The following DIAPH2 variants were observed in gnomAD, a reference collection of about 807,000 sequenced individuals.
DIAPH2 encodes the protein protein diaphanous homolog 2.
A neutral mutation model predicts 92.7 loss-of-function variants in DIAPH2; 35 were observed. That is an observed-to-expected ratio of 0.38 (90% CI 0.29 to 0.50). The LOEUF (loss-of-function observed/expected upper bound fraction) is 0.50, where lower values mean the gene tolerates loss of function less well. Ranked by LOEUF, DIAPH2 falls within the 20% of genes least tolerant of loss-of-function variation. The probability of loss-of-function intolerance (pLI) is 0.94; values close to 1 mark genes in which losing one functional copy is unlikely to be tolerated. For missense variants in DIAPH2, 701 were observed against 819.5 expected (o/e 0.86, Z 1.77); for synonymous variants, 301 against 280.4 (o/e 1.07, Z -0.73).
intron 20 of DIAPH2, among the ~76,000 whole-genome samples, chrX:97,107,055 A>G (rs1255834427): frequency 3.6e-5 from 4 of 112,571 alleles, no homozygotes; most frequent in South Asian, 7.4e-4. Context: ...TGGGACACAC[A>G]ATGTTATTGT....
chrX:97,336,237 T>A (rs907289069), intron 23 of DIAPH2, among the ~76,000 whole-genome samples: 1 of 106,664 alleles, frequency 9.4e-6, no homozygotes, highest in African/African-American at 3.5e-5. Flanking sequence ...ACTTTTCTTT[T>A]CTTTTCTTTT....
chrX:97,280,213 G>A (rs183052177), intron 23 of DIAPH2, among the ~76,000 whole-genome samples: 22 of 110,811 alleles, frequency 2.0e-4, no homozygotes, highest in Admixed American at 1.5e-3. Flanking sequence ...GGTGGCTCAC[G>A]CCTGTAATCC....
intron 5 of DIAPH2, among the ~76,000 whole-genome samples, chrX:96,904,902 T>A (rs1384406916): frequency 8.9e-6 from 1 of 111,917 alleles, no homozygotes; most frequent in African/African-American, 3.2e-5. Flanking sequence ...CATGTTATAA[T>A]TTTACCAAAT....
intron 5 of DIAPH2, among the ~76,000 whole-genome samples, chrX:96,901,909 G>A (rs919656292): frequency 5.4e-5 from 6 of 111,345 alleles, no homozygotes; most frequent in African/African-American, 1.6e-4. Flanking sequence ...CAGACTTTTT[G>A]ATATAGACAT....
intron 23 of DIAPH2, among the ~76,000 whole-genome samples, chrX:97,294,830 C>T (rs1001612972): frequency 1.8e-5 from 2 of 111,732 alleles, no homozygotes; most frequent in Non-Finnish European, 3.8e-5. Flanking sequence ...GTTTTCTTTA[C>T]GCCATCACTA....
intron 25 of DIAPH2, among the ~76,000 whole-genome samples, chrX:97,387,138 C>T (rs949346993): frequency 1.1e-4 from 12 of 111,265 alleles, no homozygotes; most frequent in Admixed American, 1.1e-3. Context: ...GATCTCAGCT[C>T]ACTGTAACCT....
intron 1 of DIAPH2, among the ~76,000 whole-genome samples, chrX:96,688,525 C>T (rs1181675081): frequency 2.7e-5 from 3 of 110,850 alleles, no homozygotes; most frequent in Non-Finnish European, 3.8e-5. Context: ...TTTGTAGAGA[C>T]GGGGTTTCAC....
At chrX:97,565,901 C>A (rs2147871375) in intron 26 of DIAPH2, among the ~76,000 whole-genome samples, 1 of 112,339 alleles carries the variant, frequency 8.9e-6, no homozygotes, top group South Asian at 3.7e-4. Context: ...CTTTTCCATT[C>A]ATCTTGCATG....
At chrX:96,970,511 T>A (rs1031966285) in intron 17 of DIAPH2, among the ~76,000 whole-genome samples, 1 of 111,554 alleles carries the variant, frequency 9.0e-6, no homozygotes, top group African/African-American at 3.3e-5. Flanking sequence ...TCCTCTATAT[T>A]TTGTAGTTGG....
chrX:97,465,143 G>A (rs749101591), intron 26 of DIAPH2, among the ~76,000 whole-genome samples: 4 of 111,088 alleles, frequency 3.6e-5, no homozygotes, highest in South Asian at 7.6e-4. Flanking sequence ...CACCGCGCCC[G>A]GCCATGGCTA....
chrX:97,030,984 C>T lies in DIAPH2; in HGVS notation c.2051-41957C>T, dbSNP rs143351250. 6.2e-3 allele frequency among the ~76,000 whole-genome samples: 688 copies of T among 111,600 alleles called. 5 individuals carry two copies. The highest frequency in any genetic ancestry group is 0.022 in the African/African-American group (664 of 30,736). ...CTTTACTTGTCATATTTTTGAGACT[C>T]GATTTGATTTCCTGTTTAGTTTAAC... is the stretch of plus-strand genomic sequence containing the variant. On this transcript the variant is annotated intron_variant, in intron 17 of 26. Transcript: ENST00000324765.
intron 22 of DIAPH2, among the ~76,000 whole-genome samples, chrX:97,158,995 G>A (rs1428431006): frequency 8.9e-6 from 1 of 112,315 alleles, no homozygotes; most frequent in Non-Finnish European, 1.9e-5. Flanking sequence ...TGCTTTGAAA[G>A]GAATATAGAG....
chrX:96,714,938 G>C (rs1169815569), intron 1 of DIAPH2, among the ~76,000 whole-genome samples: 2 of 111,813 alleles, frequency 1.8e-5, no homozygotes, highest in African/African-American at 3.3e-5. Flanking sequence ...GTGTCTGTGT[G>C]TGTACATATG....
chrX:97,067,793 A>T (rs1454471385), intron 17 of DIAPH2, among the ~76,000 whole-genome samples: 1 of 111,835 alleles, frequency 8.9e-6, no homozygotes, highest in East Asian at 2.8e-4. Context: ...TAATACAATC[A>T]CTGTAAATGC....
At chrX:97,431,260 A>C (rs2070123847) in intron 26 of DIAPH2, 1 of 112,606 alleles carries the variant, frequency 8.9e-6, no homozygotes, top group Admixed American at 9.4e-5. Context: ...GAGCAATAGT[A>C]GTCAGTGAAA....
intron 20 of DIAPH2, among the ~76,000 whole-genome samples, chrX:97,100,171 T>G (rs2147363605): frequency 9.0e-6 from 1 of 111,111 alleles, no homozygotes; most frequent in African/African-American, 3.3e-5. Flanking sequence ...AATAAAAGGA[T>G]AATTACTAGA....
intron 4 of DIAPH2, among the ~76,000 whole-genome samples, chrX:96,866,192 G>A (rs911475856): frequency 2.6e-4 from 29 of 111,587 alleles, no homozygotes; most frequent in Admixed American, 7.6e-4. Flanking sequence ...CTCTTGCCAG[G>A]TGGGAAGTTT....
chrX:97,446,162 A>C (rs964287063), intron 26 of DIAPH2, among the ~76,000 whole-genome samples: 1 of 111,708 alleles, frequency 9.0e-6, no homozygotes, highest in African/African-American at 3.3e-5. Context: ...TTCTATATTA[A>C]TGATTTCATC....
chrX:96,985,353 T>C (rs751163071), intron 17 of DIAPH2, among the ~76,000 whole-genome samples: 1 of 110,870 alleles, frequency 9.0e-6, no homozygotes, highest in African/African-American at 3.3e-5. Context: ...TCTTGGCATC[T>C]AAGGGTTCTT....
Sources: allele counts gnomAD v4.1 joint callset (sites outside exome capture counted in the v4.1 genomes callset), GRCh38; gene constraint gnomAD v4.1.1; transcripts MANE v1.5; gene names NCBI Gene and HGNC (gene_info 2026-07-23, HGNC 2026-07-21).